OTUD4: variants seen among roughly 807,000 people sequenced by gnomAD.
OTUD4 encodes OTU deubiquitinase 4, also known as OTU domain-containing protein 4.
OTUD4 carries 24 observed loss-of-function variants against 130.4 expected under a neutral mutation model. The ratio of observed to expected loss-of-function variants is 0.18; its 90% confidence interval spans 0.13 to 0.26. The LOEUF (loss-of-function observed/expected upper bound fraction) is 0.26. OTUD4 is among the 10% of genes least tolerant of loss of function. The pLI is 1.00. For synonymous variants in OTUD4, 420 were observed against 472.5 expected (o/e 0.89, Z 1.44); for missense variants, 1,031 against 1,329.4 (o/e 0.78, Z 3.49).
At position 145,138,332 on chromosome 4, in the gene OTUD4, C is replaced by G. The variant is rs1429240630; in HGVS notation, c.2443G>C (p.Glu815Gln). 1.6e-5 allele frequency: 26 copies of G among 1,614,014 alleles called. No individual in the cohort carries two copies. Among genetic ancestry groups the G allele is most frequent in the Non-Finnish European group, 2.2e-5 (26 of 1,180,022 alleles). ...AGAAGCTGCCCAGGGGTCTCAGATT[C>G]AAGATCAGCCTGGTAAGACAATTGT... ...HGQLSYQADL[E>Q]SETPGQLLHA... is the part of the protein sequence containing the mutation. Residue 815 changes from glutamate to glutamine, a missense_variant, in exon 21 of 21, where the codon GAA becomes CAA. Glu to Gln is a conservative substitution (Grantham distance 29, BLOSUM62 2). Coordinates refer to ENST00000447906, the MANE Select transcript of OTUD4 (RefSeq NM_001366057.1).
At chr4:145,165,386 G>C (rs913720429) in intron 3 of OTUD4, among the ~76,000 whole-genome samples, 189 bp from the exon 4 acceptor site, 5 of 152,038 alleles carry the variant, frequency 3.3e-5, no homozygotes, top group East Asian at 1.9e-4. Context: ...TGCAGTCCAA[G>C]TCTCTCCCAC....
At chr4:145,171,383 C>T (rs949103539) in intron 3 of OTUD4, 1 of 272,656 alleles carries the variant, frequency 3.7e-6, no homozygotes, top group Non-Finnish European at 6.8e-6. Flanking sequence ...ACCAACGTAG[C>T]ATTCTGAAAA....
At chr4:145,168,888 T>C (rs984124408) in intron 3 of OTUD4, among the ~76,000 whole-genome samples, 4 of 152,248 alleles carry the variant, frequency 2.6e-5, no homozygotes, top group Non-Finnish European at 5.9e-5. Flanking sequence ...CCCAGAACTG[T>C]AAAGAACTTA....
Position 145,142,345 on chromosome 4 carries a change from G to A in OTUD4, c.1684-11C>T, listed in dbSNP as rs759428313. 2.5e-6 allele frequency: 4 copies of A among 1,612,388 alleles called. No individual in the cohort carries two copies. In the East Asian group the frequency reaches 6.7e-5, roughly 27 times the overall value. ...ATGTTCTGCTGGCTTCTTCAAGAAA[G>A]GGGTGAGTGGGGGAAGACAGAAAAA... On this transcript the variant is annotated splice_polypyrimidine_tract_variant and intron_variant, in intron 17 of 20. Transcript: ENST00000447906.
rs1444406033 is a variant in OTUD4, at chr4:145,155,553, C to A, written c.808+16G>T. On this transcript the variant is annotated intron_variant, in intron 9 of 20. Transcript: ENST00000447906. ...CTACAAAGCAAATTTATGGAAAATG[C>A]AGATTTTTAACTCACCTTGTTTAGA... The A allele has an allele frequency of 3.7e-6, 6 of 1,600,182 alleles. No homozygotes were observed. The Admixed American group carries it at 1.0e-4, about 27-fold the overall frequency.
At chr4:145,138,992 C>A (rs1198749565) in intron 20 of OTUD4, among the ~76,000 whole-genome samples, 1 of 152,152 alleles carries the variant, frequency 6.6e-6, no homozygotes, top group Non-Finnish European at 1.5e-5. Context: ...GGCCAGTTAA[C>A]ATCTGAATTT....
intron 4 of OTUD4, 33 bp downstream of exon 4, chr4:145,165,118 A>C (rs768719180): frequency 1.5e-6 from 2 of 1,301,960 alleles, no homozygotes; most frequent in Non-Finnish European, 2.2e-6. Context: ...CACTGGTTTC[A>C]TTTTCTTTTA....
intron 7 of OTUD4, 74 bp from the exon 8 acceptor site, chr4:145,156,070 C>A (rs1056002966): frequency 2.3e-5 from 28 of 1,202,948 alleles, no homozygotes; most frequent in African/African-American, 4.6e-5. Context: ...CTCATCTAAA[C>A]GTCTTCAAAG....
chr4:145,151,225 T>C (rs944206618), intron 11 of OTUD4, among the ~76,000 whole-genome samples: 10 of 152,238 alleles, frequency 6.6e-5, no homozygotes, highest in Non-Finnish European at 1.2e-4. Context: ...GAAGTCTTTG[T>C]TCTGTTAGAG....
intron 4 of OTUD4, 24 bp from the exon 5 acceptor site, chr4:145,164,250 T>C: frequency 9.7e-7 from 1 of 1,035,892 alleles, no homozygotes. Flanking sequence ...TTAGAAATTA[T>C]TTATAATGGA....
rs770709745 is a variant in OTUD4 at position 145,138,525 on chromosome 4, T to C, written c.2250A>G (p.Gln750=). 1.9e-6 allele frequency: 3 copies of C among 1,614,144 alleles called. No individual in the cohort carries two copies. The East Asian group carries it at 6.7e-5, about 36-fold the overall frequency. ...TTTCATTCTGAGCAGCAGGAGCCTC[T>C]TGGAACCAGGGATTATGAGGATAAA... ...VPVYPHNPWF[Q]EAPAAQNESD... is the part of the protein sequence containing the mutation. Residue 750 remains glutamine, a synonymous_variant, in exon 21 of 21, where the codon CAA becomes CAG. Coordinates refer to ENST00000447906, the MANE Select transcript of OTUD4 (RefSeq NM_001366057.1).
intron 6 of OTUD4, among the ~76,000 whole-genome samples, chr4:145,161,577 G>GA (rs1055649057): frequency 9.2e-5 from 14 of 152,150 alleles, no homozygotes; most frequent in African/African-American, 3.1e-4. Flanking sequence ...TTCTCACACA[G>GA]AAGAAGGGCA....
intron 13 of OTUD4, 26 bp downstream of exon 13, chr4:145,150,487 A>T: frequency 6.6e-7 from 1 of 1,517,294 alleles, no homozygotes; most frequent in Non-Finnish European, 9.1e-7. Flanking sequence ...TGATTTCTAT[A>T]CTTCTCTTAC....
Position 145,134,958 on chromosome 4 carries a change from T to C in OTUD4, c.*2472A>G, listed in dbSNP as rs911344612. The C allele has an allele frequency of 1.8e-5, 7 of 398,152 alleles. No homozygotes were observed. The highest frequency in any genetic ancestry group is 1.2e-4 in the African/African-American group (6 of 48,580). The allele number at this position is 398,152 out of a possible 1,614,324, so 24.7% of individuals were successfully genotyped here. On this transcript the variant is annotated 3_prime_UTR_variant, in exon 21 of 21. Transcript: ENST00000447906. Reference sequence around the variant, plus strand: ...CTATACTTTTGCCTCTATTCTCTTATAAAGAAATATGTCAACATAACAGTA... The same window carrying C: ...CTATACTTTTGCCTCTATTCTCTTACAAAGAAATATGTCAACATAACAGTA...
At chr4:145,154,850 C>T (rs1295932852) in intron 10 of OTUD4, among the ~76,000 whole-genome samples, 5 of 98,102 alleles carry the variant, frequency 5.1e-5, no homozygotes, top group Admixed American at 1.2e-4. Context: ...TGGTGGGGGG[C>T]GGGGGGCAGA....
At chr4:145,179,542 T>C (rs1461131810) in intron 1 of OTUD4, 1 of 1,149,736 alleles carries the variant, frequency 8.7e-7, no homozygotes, top group Non-Finnish European at 1.1e-6. Context: ...CTGTACAAGC[T>C]CCGAGCAGGC....
In OTUD4 at chr4:145,141,565, C is replaced by G. The variant is rs1750567375; in HGVS notation, c.1897G>C (p.Ala633Pro). The stretch of plus-strand genomic sequence containing the variant: ...GGAACTGGAGAGGGTGTTAAATGAG[C>G]TTGGGATACAGCTGAATCAGGTCCA... ...TTGPDSAVSQ[A>P]HLTPSPVPVS... Residue 633 changes from alanine (A) to proline (P), a missense_variant, in exon 19 of 21, where the codon GCT (alanine) becomes CCT (proline). Transcript: ENST00000447906. 6.2e-7 allele frequency: 1 copy of G among 1,605,970 alleles called. No homozygotes were observed. The highest frequency in any genetic ancestry group is 8.5e-7 in the Non-Finnish European group (1 of 1,175,788).
In OTUD4 at chr4:145,138,084, C is replaced by T. The variant is rs1355816381; in HGVS notation, c.2691G>A (p.Leu897=). ...KGELDLSLEN[L]DLSKDCGSVS... Reference sequence around the variant, plus strand: ...CTGAACCACAATCTTTAGACAGATCCAGATTTTCCAGAGACAGATCCAATT... The same window carrying T: ...CTGAACCACAATCTTTAGACAGATCTAGATTTTCCAGAGACAGATCCAATT... The change falls in exon 21 of 21, where the codon CTG becomes CTA. Residue 897 remains leucine (L), a synonymous_variant. Transcript: ENST00000447906. 4 of 1,614,098 alleles carry T rather than the reference C, an allele frequency of 2.5e-6. No homozygotes were observed. The South Asian group carries it at 4.4e-5, about 18-fold the overall frequency.
rs185519791 is a variant in OTUD4 at position 145,139,426 on chromosome 4, T to C, written c.2124+525A>G. On this transcript the variant is annotated intron_variant, in intron 20 of 20. Transcript: ENST00000447906. ...GAGTTCTCCAACCTAAGAAAAGCTATTTCTAGGTTGACCACTTCCCAAAGG... is the reference window on the plus strand; with the variant it reads ...GAGTTCTCCAACCTAAGAAAAGCTACTTCTAGGTTGACCACTTCCCAAAGG... Among the ~76,000 whole-genome samples, 3 of 152,288 alleles carry C rather than the reference T, an allele frequency of 2.0e-5. No homozygotes were observed. In the East Asian group the frequency reaches 5.8e-4, roughly 29 times the overall value.
Sources: allele counts gnomAD v4.1 joint callset (sites outside exome capture counted in the v4.1 genomes callset), GRCh38; gene constraint gnomAD v4.1.1; transcripts MANE v1.5; gene names NCBI Gene and HGNC (gene_info 2026-07-23, HGNC 2026-07-21).